Variants in DGKB observed in about 807,000 individuals in gnomAD.
The protein encoded by DGKB is diacylglycerol kinase beta, also known as 90 kDa diacylglycerol kinase.
In DGKB, 67 loss-of-function variants were observed where a neutral mutation model predicts 114.3. The observed-to-expected ratio is 0.59, with a 90% confidence interval of 0.48 to 0.72. The LOEUF is 0.72. Among genes scored for constraint, DGKB ranks in the 30% least tolerant of loss-of-function variants. The probability of loss-of-function intolerance (pLI) is 0.00; values close to 1 mark genes in which losing one functional copy is unlikely to be tolerated. For synonymous variants in DGKB, 398 were observed against 323.1 expected (o/e 1.23, Z -2.49); for missense variants, 907 against 975.2 (o/e 0.93, Z 0.93).
At position 14,184,467 on chromosome 7, in the gene DGKB, G is replaced by A. The variant is rs1783103958; in HGVS notation, c.2123-6316C>T. On this transcript the variant is annotated intron_variant, in intron 23 of 25. Transcript: ENST00000402815. The stretch of plus-strand genomic sequence containing the variant: ...CGGTGAGAGTTAGAACGGGCCTTCA[G>A]TTTGCATGGGAGCTGTGTGAGGCCT... Among the ~76,000 whole-genome samples the A allele has an allele frequency of 2.0e-5, 3 of 152,124 alleles. No individual in the cohort carries two copies. The South Asian group carries it at 6.2e-4, about 31-fold the overall frequency.
chr7:14,233,166 T>C (rs1041748147), intron 23 of DGKB, among the ~76,000 whole-genome samples: 3 of 151,922 alleles, frequency 2.0e-5, no homozygotes. Context: ...AGCCTATGTA[T>C]AAGAAGGGAC....
intron 1 of DGKB, among the ~76,000 whole-genome samples, chr7:14,931,105 T>C (rs1784992429): frequency 6.6e-6 from 1 of 150,548 alleles, no homozygotes; most frequent in South Asian, 2.1e-4. Context: ...AGATTCAGTT[T>C]GCTAGTATTT....
chr7:14,873,137 A>G (rs1165781805), intron 1 of DGKB, among the ~76,000 whole-genome samples: 3 of 152,084 alleles, frequency 2.0e-5, no homozygotes, highest in African/African-American at 7.2e-5. Flanking sequence ...GAGAAATAGA[A>G]TTTTCATGAA....
intron 4 of DGKB, among the ~76,000 whole-genome samples, chr7:14,745,502 G>C (rs1485546333): frequency 1.3e-5 from 2 of 152,210 alleles, no homozygotes; most frequent in Non-Finnish European, 2.9e-5. Flanking sequence ...AGGTTATTGA[G>C]CACAGGGGGG....
At chr7:14,732,397 T>C (rs908479032) in intron 5 of DGKB, among the ~76,000 whole-genome samples, 3 of 152,150 alleles carry the variant, frequency 2.0e-5, no homozygotes, top group African/African-American at 7.2e-5. Context: ...AACACCTCGT[T>C]ATACATTAGA....
chr7:14,632,681 T>G (rs1809961227), intron 13 of DGKB, among the ~76,000 whole-genome samples: 1 of 150,588 alleles, frequency 6.6e-6, no homozygotes, highest in Non-Finnish European at 1.5e-5. Context: ...GTCATAGGAG[T>G]GGGTGGGAGA....
intron 6 of DGKB, among the ~76,000 whole-genome samples, chr7:14,702,818 T>A (rs1486950486): frequency 2.0e-5 from 3 of 152,186 alleles, no homozygotes; most frequent in African/African-American, 7.2e-5. Flanking sequence ...ATTTCACCAA[T>A]TCTAACATAT....
intron 1 of DGKB, among the ~76,000 whole-genome samples, chr7:14,967,128 C>T (rs576790824): frequency 6.6e-6 from 1 of 152,154 alleles, no homozygotes; most frequent in Non-Finnish European, 1.5e-5. Context: ...TATTTTTAGA[C>T]TGAAACTTTA....
intron 21 of DGKB, among the ~76,000 whole-genome samples, chr7:14,427,222 T>G (rs1290089494): frequency 6.6e-6 from 1 of 152,080 alleles, no homozygotes; most frequent in East Asian, 1.9e-4. Flanking sequence ...AACCTGTACG[T>G]CCTGAACAGG....
intron 7 of DGKB, among the ~76,000 whole-genome samples, chr7:14,699,370 A>G (rs930916403): frequency 3.3e-5 from 5 of 152,092 alleles, no homozygotes; most frequent in African/African-American, 7.2e-5. Context: ...TCTTTTAAGA[A>G]CAGAAACTAT....
At chr7:14,331,270 C>T (rs559184263) in intron 23 of DGKB, among the ~76,000 whole-genome samples, 21 of 151,992 alleles carry the variant, frequency 1.4e-4, no homozygotes, top group African/African-American at 3.9e-4. Context: ...ACATCTCAAA[C>T]GCCATACTAT....
At chr7:14,329,089 T>C (rs191099577) in intron 23 of DGKB, among the ~76,000 whole-genome samples, 1 of 151,914 alleles carries the variant, frequency 6.6e-6, no homozygotes, top group East Asian at 1.9e-4. Context: ...GATAATTAGC[T>C]CTATATAATA....
chr7:14,614,630 T>G (rs1041058925), intron 15 of DGKB, among the ~76,000 whole-genome samples: 1 of 151,966 alleles, frequency 6.6e-6, no homozygotes, highest in Non-Finnish European at 1.5e-5. Context: ...CTAACATATT[T>G]TCCTCCACTT....
At chr7:14,910,765 T>G (rs961351035) in intron 1 of DGKB, among the ~76,000 whole-genome samples, 6 of 152,152 alleles carry the variant, frequency 3.9e-5, no homozygotes, top group South Asian at 2.1e-4. Flanking sequence ...GCTTCTCCAC[T>G]TTAAAGAGAC....
rs151171164 is a variant in DGKB at position 14,370,269 on chromosome 7, T to C, written c.1836-24878A>G. On this transcript the variant is annotated intron_variant, in intron 21 of 25. Coordinates refer to ENST00000402815, the MANE Select transcript of DGKB (RefSeq NM_001350709.2). ...ATCAGATGGTTGTAGATGTGTGGCA[T>C]TATTTCCGAGGCCTCTGTTGTGTTC... Among the ~76,000 whole-genome samples the C allele has an allele frequency of 8.5e-5, 13 of 152,300 alleles. No homozygotes were observed. In the East Asian group the frequency reaches 2.5e-3, roughly 29 times the overall value.
intron 1 of DGKB, among the ~76,000 whole-genome samples, chr7:14,930,193 T>C (rs1784943967): frequency 6.6e-6 from 1 of 152,130 alleles, no homozygotes; most frequent in Non-Finnish European, 1.5e-5. Flanking sequence ...TCAGGATTGA[T>C]TTGGTCTTTT....
At chr7:14,807,567 ATATTG>A (rs1328138007) in intron 2 of DGKB, among the ~76,000 whole-genome samples, 1 of 152,044 alleles carries the variant, frequency 6.6e-6, no homozygotes, top group African/African-American at 2.4e-5. Flanking sequence ...GTGTCAAATC[ATATTG>A]ATTAAATAAG....
At chr7:14,531,818 T>C (rs1244377400) in intron 20 of DGKB, among the ~76,000 whole-genome samples, 1 of 151,308 alleles carries the variant, frequency 6.6e-6, no homozygotes, top group Non-Finnish European at 1.5e-5. Context: ...ATTGTGGTAT[T>C]GGTATAAGAA....
chr7:14,448,776 A>C (rs888643886), intron 21 of DGKB, among the ~76,000 whole-genome samples: 2 of 152,124 alleles, frequency 1.3e-5, no homozygotes, highest in African/African-American at 2.4e-5. Flanking sequence ...GAAGTGGTAG[A>C]GCTGGGATTC....
Sources: allele counts gnomAD v4.1 joint callset (sites outside exome capture counted in the v4.1 genomes callset), GRCh38; gene constraint gnomAD v4.1.1; transcripts MANE v1.5; gene names NCBI Gene and HGNC (gene_info 2026-07-23, HGNC 2026-07-21).